TMED8: variants seen among roughly 807,000 people sequenced by gnomAD.
TMED8 encodes the protein protein TMED8.
In TMED8, 15 loss-of-function variants were observed where a neutral mutation model predicts 32.7. That is an observed-to-expected ratio of 0.46 (90% confidence interval 0.31 to 0.71). The LOEUF (loss-of-function observed/expected upper bound fraction) is 0.71. Ranked by LOEUF, TMED8 falls within the 30% of genes least tolerant of loss-of-function variation. The probability of loss-of-function intolerance (pLI) is 0.06; values close to 1 mark genes in which losing one functional copy is unlikely to be tolerated. For missense variants in TMED8, 390 were observed against 423.9 expected (o/e 0.92, Z 0.70); for synonymous variants, 147 against 161.4 (o/e 0.91, Z 0.68).
intron 1 of TMED8, among the ~76,000 whole-genome samples, chr14:77,352,346 G>A (rs765796147): frequency 1.3e-4 from 20 of 151,782 alleles, no homozygotes; most frequent in African/African-American, 2.9e-4. Flanking sequence ...CCCGGGAGGC[G>A]GAGGTTGCAG....
intron 2 of TMED8, among the ~76,000 whole-genome samples, chr14:77,347,029 T>C (rs141149339): frequency 3.9e-5 from 6 of 152,222 alleles, no homozygotes; most frequent in Non-Finnish European, 5.9e-5. Flanking sequence ...CCAGAACTTG[T>C]TCCTCCTTCT....
chr14:77,362,258 G>GA (rs1893457559), intron 1 of TMED8, among the ~76,000 whole-genome samples: 1 of 151,852 alleles, frequency 6.6e-6, no homozygotes, highest in African/African-American at 2.4e-5. Flanking sequence ...TAGAAGTGAT[G>GA]AGAGTGGTCA....
chr14:77,349,569 TA>T (rs1427453096), intron 2 of TMED8, among the ~76,000 whole-genome samples: 1 of 152,208 alleles, frequency 6.6e-6, no homozygotes, highest in Non-Finnish European at 1.5e-5. Context: ...AATCTCTGCC[TA>T]GAATACTCTT....
intron 2 of TMED8, among the ~76,000 whole-genome samples, chr14:77,349,106 C>CCT (rs1893119810): frequency 1.1e-5 from 1 of 91,974 alleles, no homozygotes; most frequent in African/African-American, 4.6e-5. Context: ...CTCTAAGGCC[C>CCT]TTTTTTTTTT....
chr14:77,363,981 T>C (rs551976145), intron 1 of TMED8, among the ~76,000 whole-genome samples: 21 of 152,342 alleles, frequency 1.4e-4, no homozygotes, highest in Admixed American at 9.8e-4. Context: ...TTGGGATAGA[T>C]TCCTGAGAGT....
chr14:77,368,979 A>C (rs2139635305), intron 1 of TMED8, among the ~76,000 whole-genome samples: 1 of 152,264 alleles, frequency 6.6e-6, no homozygotes, highest in South Asian at 2.1e-4. Flanking sequence ...CACTATATTG[A>C]GATCCGAAAA....
At chr14:77,368,228 T>A (rs1034885632) in intron 1 of TMED8, among the ~76,000 whole-genome samples, 1 of 152,202 alleles carries the variant, frequency 6.6e-6, no homozygotes, top group Non-Finnish European at 1.5e-5. Flanking sequence ...TGCCGAACTA[T>A]TTTCTAAAGG....
intron 1 of TMED8, among the ~76,000 whole-genome samples, chr14:77,367,741 T>C (rs1366403138): frequency 6.6e-6 from 1 of 152,042 alleles, no homozygotes; most frequent in Non-Finnish European, 1.5e-5. Flanking sequence ...TTGCCCAGGC[T>C]GGAGTGCAAT....
intron 1 of TMED8, among the ~76,000 whole-genome samples, chr14:77,368,637 C>G (rs1056400633): frequency 6.6e-6 from 1 of 152,106 alleles, no homozygotes; most frequent in Admixed American, 6.5e-5. Flanking sequence ...GCCACCACAC[C>G]CAGCTAATTT....
intron 1 of TMED8, among the ~76,000 whole-genome samples, chr14:77,372,923 TATATATATATATATATATATATA>T (rs1566696247): frequency 1.1e-3 from 29 of 25,804 alleles, no homozygotes; most frequent in African/African-American, 1.5e-3. Context: ...TATATATATA[TATATATATATATATATATATATA>T]TATATATTTT....
At chr14:77,358,056 G>A (rs527529943) in intron 1 of TMED8, among the ~76,000 whole-genome samples, 16 of 150,896 alleles carry the variant, frequency 1.1e-4, no homozygotes, top group Middle Eastern at 3.4e-3. Context: ...CCTAGGAGGC[G>A]GAGGTTGCAG....
chr14:77,361,323 A>G (rs1893428673), intron 1 of TMED8, among the ~76,000 whole-genome samples: 2 of 152,052 alleles, frequency 1.3e-5, no homozygotes, highest in Admixed American at 1.3e-4. Context: ...TTTTCCCAGA[A>G]CCATTTATTG....
rs935497897 is a variant in TMED8 at position 77,338,403 on chromosome 14, C to T, written c.*3368G>A. ...CATCTGTTCTCTCTGAAGCCTGCTA[C>T]CTGGAGGCTTCATCTACATGACTTA... On this transcript the variant is annotated 3_prime_UTR_variant, in exon 6 of 6. Transcript: ENST00000216468. 4 of 152,208 alleles carry T rather than the reference C, an allele frequency of 2.6e-5. No homozygotes were observed. The highest frequency in any genetic ancestry group is 5.9e-5 in the Non-Finnish European group (4 of 68,038). The allele number at this position is 152,208 out of a possible 1,614,324, so 9.4% of individuals were successfully genotyped here.
intron 1 of TMED8, among the ~76,000 whole-genome samples, chr14:77,360,993 TTCAGA>T (rs1214308278): frequency 6.7e-6 from 1 of 148,368 alleles, no homozygotes; most frequent in East Asian, 1.9e-4. Context: ...TTTTTTTTTT[TTCAGA>T]CAGAGTCTCA....
intron 5 of TMED8, 97 bp from the exon 6 acceptor site, chr14:77,342,085 G>T: frequency 1.1e-6 from 1 of 949,690 alleles, no homozygotes. Flanking sequence ...CACAGAGCGG[G>T]GAGATTATTG....
intron 1 of TMED8, among the ~76,000 whole-genome samples, chr14:77,373,631 C>T (rs1268361357): frequency 6.6e-6 from 1 of 152,184 alleles, no homozygotes; most frequent in Non-Finnish European, 1.5e-5. Context: ...GATAATGACA[C>T]ATTCCTGCTT....
At chr14:77,375,984 G>C (rs893842527) in intron 1 of TMED8, among the ~76,000 whole-genome samples, 7 of 152,206 alleles carry the variant, frequency 4.6e-5, no homozygotes, top group African/African-American at 1.7e-4. Context: ...CCACAGTAGT[G>C]CCTCAACCAT....
At chr14:77,362,696 T>TA (rs1427963940) in intron 1 of TMED8, among the ~76,000 whole-genome samples, 1 of 151,934 alleles carries the variant, frequency 6.6e-6, no homozygotes, top group Non-Finnish European at 1.5e-5. Flanking sequence ...GTGAATGGAT[T>TA]AAAAAAAACT....
rs1054009336 is a variant in TMED8 at position 77,336,262 on chromosome 14, C to T, written c.*5509G>A. 1 of 152,082 alleles carries T rather than the reference C, an allele frequency of 6.6e-6. No homozygotes were observed. Among genetic ancestry groups the T allele is most frequent in the Non-Finnish European group, 1.5e-5 (1 of 68,008 alleles). 9.4% of individuals were successfully genotyped at this position (152,082 alleles called of 1,614,324 possible). On this transcript the variant is annotated 3_prime_UTR_variant, in exon 6 of 6. Coordinates refer to ENST00000216468, the MANE Select transcript of TMED8 (RefSeq NM_213601.3). ...ACTATGGAATTAAATAAACATGCAT[C>T]TCTAGATTTCTAGGGCAACTTTTCA... is the stretch of plus-strand genomic sequence containing the variant.
Sources: gnomAD v4.1 joint callset for allele counts (sites outside exome capture counted in the v4.1 genomes callset) on GRCh38, gnomAD v4.1.1 for gene constraint, MANE v1.5 for transcripts, NCBI Gene and HGNC (gene_info 2026-07-23, HGNC 2026-07-21) for gene names.